The following ADGRF5 variants were observed in gnomAD, a reference collection of about 807,000 sequenced individuals.
ADGRF5 encodes adhesion G protein-coupled receptor F5.
ADGRF5 carries 75 observed loss-of-function variants against 132.3 expected under a neutral mutation model. That is an observed-to-expected ratio of 0.57 (90% CI 0.47 to 0.69). The LOEUF is 0.69. ADGRF5 is among the 30% of genes least tolerant of loss of function. The pLI is 0.00. For synonymous variants in ADGRF5, 629 were observed against 597.6 expected, an observed-to-expected ratio of 1.05 and a Z score of -0.77; for missense variants, 1,516 against 1,630.6, an observed-to-expected ratio of 0.93 and a Z score of 1.21.
chr6:46,860,590 A>C (rs900663732), intron 16 of ADGRF5, 125 bp downstream of exon 16: 13 of 619,270 alleles, frequency 2.1e-5, no homozygotes, highest in Non-Finnish European at 3.4e-5. Context: ...TGGCAGAACT[A>C]TCCTGAGCAC....
chr6:46,927,063 T>C (rs1334988327), intron 1 of ADGRF5, among the ~76,000 whole-genome samples: 1 of 152,118 alleles, frequency 6.6e-6, no homozygotes, highest in Non-Finnish European at 1.5e-5. Flanking sequence ...GTCCTCACAA[T>C]ACCATCTCCC....
At chr6:46,906,543 G>T (rs969038967) in intron 2 of ADGRF5, 118 bp downstream of exon 2, 1 of 666,592 alleles carries the variant, frequency 1.5e-6, no homozygotes. Flanking sequence ...ACTATGGGAA[G>T]AATGTTTTTT....
At chr6:46,912,568 A>G (rs546501695) in intron 1 of ADGRF5, among the ~76,000 whole-genome samples, 1 of 152,092 alleles carries the variant, frequency 6.6e-6, no homozygotes, top group Admixed American at 6.6e-5. Flanking sequence ...GGTAAGATTG[A>G]TTAGGGAGGC....
At chr6:46,862,605 G>A (rs946075603) in intron 15 of ADGRF5, among the ~76,000 whole-genome samples, 4 of 150,548 alleles carry the variant, frequency 2.7e-5, no homozygotes, top group African/African-American at 7.3e-5. Context: ...CTGCCCCCTG[G>A]AGGTATGGAA....
At chr6:46,927,837 A>G (rs1777333533) in intron 1 of ADGRF5, among the ~76,000 whole-genome samples, 1 of 152,174 alleles carries the variant, frequency 6.6e-6, no homozygotes, top group East Asian at 1.9e-4. Flanking sequence ...TCCTTCTCAG[A>G]CAACACCCAC....
At position 46,871,859 on chromosome 6, in the gene ADGRF5, C is replaced by T; in HGVS notation, c.1395G>A (p.Val465=). 6.3e-7 allele frequency: 1 copy of T among 1,598,554 alleles called. No individual in the cohort carries two copies. Among genetic ancestry groups the T allele is most frequent in the East Asian group, 2.2e-5 (1 of 44,462 alleles). ...YGARGSANIK[V]TFISVANLTI... ...AGTCCTTACCCACAGAGATGAATGTCACTTTTATGTTTGCACTGCCTCTGG... is the reference window on the plus strand; with the variant it reads ...AGTCCTTACCCACAGAGATGAATGTTACTTTTATGTTTGCACTGCCTCTGG... Residue 465 remains valine (V), a synonymous_variant, in exon 11 of 21, where the codon GTG becomes GTA. Transcript: ENST00000283296.
At chr6:46,932,842 G>A (rs1341744663) in intron 1 of ADGRF5, among the ~76,000 whole-genome samples, 2 of 152,118 alleles carry the variant, frequency 1.3e-5, no homozygotes. Flanking sequence ...TTCCTTTGAG[G>A]GATGATGTAT....
rs763469875 is a variant in ADGRF5, at chr6:46,869,095, GA to G, written c.1412-4del. ...GTCCGGGGTTATTGTTAGATTGGCT[GA>G]AAAAAAGGCAAACAAAACAGACAAA... is the stretch of plus-strand genomic sequence containing the variant. On this transcript the variant is annotated splice_region_variant and splice_polypyrimidine_tract_variant and intron_variant, in intron 11 of 20. Coordinates refer to ENST00000283296, the MANE Select transcript of ADGRF5 (RefSeq NM_001098518.2). 2.5e-6 allele frequency: 4 copies of G among 1,612,206 alleles called. No individual in the cohort carries two copies. Among genetic ancestry groups the G allele is most frequent in the South Asian group, 1.1e-5 (1 of 90,946 alleles).
At chr6:46,886,988 G>T (rs988192365) in intron 4 of ADGRF5, 1 of 152,178 alleles carries the variant, frequency 6.6e-6, no homozygotes, top group African/African-American at 2.4e-5. Context: ...CATTTTAATT[G>T]AGAAGCTTGT....
At chr6:46,889,932 T>C (rs577543740) in intron 3 of ADGRF5, among the ~76,000 whole-genome samples, 1 of 151,888 alleles carries the variant, frequency 6.6e-6, no homozygotes, top group East Asian at 1.9e-4. Flanking sequence ...CACCACATTA[T>C]AAATAAATGA....
rs548999946 is a variant in ADGRF5, at chr6:46,872,691, C to T, written c.1241-678G>A. 1.2e-4 allele frequency among the ~76,000 whole-genome samples: 19 copies of T among 152,178 alleles called. No homozygotes were observed. The South Asian group carries it at 3.7e-3, about 30-fold the overall frequency. On this transcript the variant is annotated intron_variant, in intron 10 of 20. Coordinates refer to ENST00000283296, the MANE Select transcript of ADGRF5 (RefSeq NM_001098518.2). ...TTTCCTTTCCCAGAAATACCATGCC[C>T]TCCATGCCATCTTTCCTATTGCCTC...
At chr6:46,866,838 T>C in intron 13 of ADGRF5, 87 bp downstream of exon 13, 1 of 734,968 alleles carries the variant, frequency 1.4e-6, no homozygotes, top group Non-Finnish European at 2.4e-6. Flanking sequence ...CAATCCTATG[T>C]CTCTTGATCC....
At chr6:46,890,377 G>A (rs375653910) in intron 3 of ADGRF5, among the ~76,000 whole-genome samples, 4 of 152,146 alleles carry the variant, frequency 2.6e-5, no homozygotes, top group African/African-American at 9.6e-5. Context: ...ATAGTCATGA[G>A]CTGCTGTGCC....
At chr6:46,944,261 G>T (rs891787491) in intron 1 of ADGRF5, among the ~76,000 whole-genome samples, 2 of 152,174 alleles carry the variant, frequency 1.3e-5, no homozygotes, top group African/African-American at 4.8e-5. Flanking sequence ...CGCATGCACA[G>T]TTCACAATAG....
chr6:46,931,612 G>A (rs937681928), intron 1 of ADGRF5, among the ~76,000 whole-genome samples: 4 of 152,208 alleles, frequency 2.6e-5, no homozygotes, highest in Non-Finnish European at 4.4e-5. Flanking sequence ...TTAAGTTGGT[G>A]TGCCTAAGGC....
chr6:46,942,799 A>C (rs73736308), intron 1 of ADGRF5, among the ~76,000 whole-genome samples: 21,597 of 152,022 alleles, frequency 0.14, 1,796 homozygotes, highest in Admixed American at 0.22. Context: ...TTTCTTTGAC[A>C]TACTACTTTA....
intron 10 of ADGRF5, among the ~76,000 whole-genome samples, chr6:46,872,403 T>G (rs1482561091): frequency 6.6e-6 from 1 of 152,208 alleles, no homozygotes; most frequent in Non-Finnish European, 1.5e-5. Flanking sequence ...AGCGATGGTT[T>G]TTTGAATGTG....
At chr6:46,861,917 T>A (rs1449597401) in intron 15 of ADGRF5, among the ~76,000 whole-genome samples, 1 of 152,204 alleles carries the variant, frequency 6.6e-6, no homozygotes, top group East Asian at 1.9e-4. Context: ...TTCATCAAGG[T>A]CCAGCTCAGA....
intron 2 of ADGRF5, among the ~76,000 whole-genome samples, chr6:46,901,523 T>C (rs1015737802): frequency 6.6e-6 from 1 of 152,186 alleles, no homozygotes; most frequent in African/African-American, 2.4e-5. Flanking sequence ...CTTCCTAAGA[T>C]GTATTTAACA....
Sources: gnomAD v4.1 joint callset for allele counts (sites outside exome capture counted in the v4.1 genomes callset) on GRCh38, gnomAD v4.1.1 for gene constraint, MANE v1.5 for transcripts, NCBI Gene and HGNC (gene_info 2026-07-23, HGNC 2026-07-21) for gene names.